The following REDIC1 variants were observed in gnomAD, a reference collection of about 807,000 sequenced individuals.
The protein encoded by REDIC1 is HEI10 Interacting Protein 1.
chr12:39,819,588 T>G, the REDIC1 span, among the ~76,000 whole-genome samples: 1 of 152,212 alleles, frequency 6.6e-6, no homozygotes. Flanking sequence ...TCCTTGACAC[T>G]AAGCAGTATA....
the REDIC1 span, among the ~76,000 whole-genome samples, chr12:39,663,977 C>T: frequency 6.6e-6 from 1 of 151,898 alleles, no homozygotes; most frequent in East Asian, 1.9e-4. Flanking sequence ...CCCTTTCTCT[C>T]CTGGCCTATA....
the REDIC1 span, among the ~76,000 whole-genome samples, chr12:39,812,892 T>C: frequency 2.0e-5 from 3 of 147,708 alleles, no homozygotes; most frequent in Non-Finnish European, 4.5e-5. Flanking sequence ...TGGAGTGTAA[T>C]GGTGTGATCT....
the REDIC1 span, among the ~76,000 whole-genome samples, chr12:39,737,617 A>G: frequency 6.6e-6 from 1 of 152,332 alleles, no homozygotes; most frequent in African/African-American, 2.4e-5. Flanking sequence ...CATTTTGCAG[A>G]TAAGGAAGTT....
At chr12:39,871,843 C>T in the REDIC1 span, 1 of 1,612,678 alleles carries the variant, frequency 6.2e-7, no homozygotes, top group Non-Finnish European at 8.5e-7. Context: ...ACCTTCTCAA[C>T]AAGCCAGACT....
the REDIC1 span, among the ~76,000 whole-genome samples, chr12:39,841,844 G>A: frequency 1.3e-5 from 2 of 151,962 alleles, no homozygotes; most frequent in Non-Finnish European, 2.9e-5. Flanking sequence ...AAATTCTTAG[G>A]TTTGCAAACA....
At chr12:39,667,473 T>A in the REDIC1 span, among the ~76,000 whole-genome samples, 1 of 152,154 alleles carries the variant, frequency 6.6e-6, no homozygotes, top group African/African-American at 2.4e-5. Context: ...TGCTGAGGAG[T>A]GCTTTACTTC....
the REDIC1 span, among the ~76,000 whole-genome samples, chr12:39,777,237 G>A: frequency 1.3e-5 from 2 of 152,116 alleles, no homozygotes; most frequent in African/African-American, 4.8e-5. Flanking sequence ...AGAAGAGACC[G>A]GACTAAACTG....
chr12:39,786,747 C>G, the REDIC1 span, among the ~76,000 whole-genome samples: 5 of 152,200 alleles, frequency 3.3e-5, no homozygotes, highest in Non-Finnish European at 5.9e-5. Context: ...GAATCATTCT[C>G]TGTACTATCT....
At chr12:39,661,829 A>G in the REDIC1 span, among the ~76,000 whole-genome samples, 4 of 152,134 alleles carry the variant, frequency 2.6e-5, no homozygotes, top group Admixed American at 2.6e-4. Flanking sequence ...ATTTTTGTAT[A>G]TGGTGAGAAG....
At chr12:39,829,761 A>G in the REDIC1 span, 1 of 261,566 alleles carries the variant, frequency 3.8e-6, no homozygotes, top group Non-Finnish European at 7.5e-6. Flanking sequence ...TTCATTTAAA[A>G]GCTTGGGAGT....
the REDIC1 span, among the ~76,000 whole-genome samples, chr12:39,794,123 C>CAAAAAAAAAA: frequency 2.6e-5 from 2 of 78,348 alleles, no homozygotes; most frequent in African/African-American, 5.1e-5. Context: ...GGCCAAATTG[C>CAAAAAAAAAA]AAAAAAAAAA....
At chr12:39,783,462 G>C in the REDIC1 span, among the ~76,000 whole-genome samples, 1 of 152,152 alleles carries the variant, frequency 6.6e-6, no homozygotes. Context: ...TTCCACAATG[G>C]TTGAACTAGT....
the REDIC1 span, among the ~76,000 whole-genome samples, chr12:39,722,195 G>A: frequency 6.7e-6 from 1 of 150,062 alleles, no homozygotes; most frequent in African/African-American, 2.5e-5. Flanking sequence ...AAGAGTCTGT[G>A]TTGCAGAGGT....
chr12:39,732,966 A>AT, the REDIC1 span, among the ~76,000 whole-genome samples: 5 of 151,686 alleles, frequency 3.3e-5, no homozygotes, highest in Non-Finnish European at 4.4e-5. Flanking sequence ...AGAAGTCTTC[A>AT]TTTTTTTAAA....
At chr12:39,701,894 G>A in the REDIC1 span, among the ~76,000 whole-genome samples, 339 of 152,068 alleles carry the variant, frequency 2.2e-3, no homozygotes, top group Non-Finnish European at 4.4e-3. Context: ...AAACCAACGA[G>A]AACAAAGACA....
chr12:39,701,130 A>G, the REDIC1 span, among the ~76,000 whole-genome samples: 3 of 131,532 alleles, frequency 2.3e-5, no homozygotes, highest in Admixed American at 7.8e-5. Context: ...CAATTAAAAG[A>G]CACAGATTGG....
At chr12:39,864,397 T>C in the REDIC1 span, among the ~76,000 whole-genome samples, 98,233 of 152,100 alleles carry the variant, frequency 0.65, 31,926 homozygotes, top group East Asian at 0.77. Context: ...AAAGTTTGAT[T>C]ACTGATTAAA....
chr12:39,731,539 G>A, the REDIC1 span, among the ~76,000 whole-genome samples: 2 of 152,180 alleles, frequency 1.3e-5, no homozygotes, highest in Non-Finnish European at 2.9e-5. Flanking sequence ...TCCCAGAGGG[G>A]CACCCGCCAG....
At chr12:39,842,439 C>T in the REDIC1 span, among the ~76,000 whole-genome samples, 44 of 151,996 alleles carry the variant, frequency 2.9e-4, no homozygotes, top group Middle Eastern at 3.4e-3. Flanking sequence ...TAAAGTTATG[C>T]CATTGAGAAA....
Sources: gnomAD v4.1 joint callset for allele counts (sites outside exome capture counted in the v4.1 genomes callset) on GRCh38, gnomAD v4.1.1 for gene constraint, MANE v1.5 for transcripts, NCBI Gene and HGNC (gene_info 2026-07-23, HGNC 2026-07-21) for gene names.